The following DOCK9 variants were observed in gnomAD, a reference collection of about 807,000 sequenced individuals.
DOCK9 encodes dedicator of cytokinesis 9, also known as dedicator of cytokinesis protein 9.
A neutral mutation model predicts 263.3 loss-of-function variants in DOCK9; 89 were observed. The observed-to-expected ratio is 0.34, with a 90% CI of 0.28 to 0.40. The LOEUF is 0.40. DOCK9 is among the 10% of genes least tolerant of loss of function. The pLI, the probability that DOCK9 is intolerant of heterozygous loss-of-function variation, is 1.00. For missense variants in DOCK9, 2,140 were observed against 2,603.4 expected (o/e 0.82, Z 3.87); for synonymous variants, 976 against 973.1 (o/e 1.00, Z -0.06).
chr13:98,846,222 A>G (rs2093387111), intron 37 of DOCK9, among the ~76,000 whole-genome samples, 162 bp from the exon 38 acceptor site: 1 of 152,180 alleles, frequency 6.6e-6, no homozygotes, highest in Non-Finnish European at 1.5e-5. Context: ...CAGCTCCTGC[A>G]CACTTCACGG....
At chr13:99,081,090 A>G (rs1253847936) in intron 1 of DOCK9, among the ~76,000 whole-genome samples, 2 of 152,138 alleles carry the variant, frequency 1.3e-5, no homozygotes, top group Non-Finnish European at 2.9e-5. Flanking sequence ...CCTGCTTCCG[A>G]TATTTTGGGA....
In DOCK9 at chr13:98,824,502, C is replaced by T. The variant is rs761605712; in HGVS notation, c.5026G>A (p.Val1676Met). The T allele has an allele frequency of 4.1e-5, 66 of 1,613,346 alleles. No homozygotes were observed. Among genetic ancestry groups the T allele is most frequent in the Admixed American group, 6.7e-5 (4 of 59,986 alleles). ...LVAEYLTRKG[V>M]FRQGCTAFRV... Reference sequence around the variant, plus strand: ...AAGGCGGTGCATCCTTGTCTAAACACGCCTAGGAAGAGAGGAAGGAGGGAC... The same window carrying T: ...AAGGCGGTGCATCCTTGTCTAAACATGCCTAGGAAGAGAGGAAGGAGGGAC... Residue 1676 changes from valine (V) to methionine (M), a missense_variant and splice_region_variant, in exon 45 of 53, where the codon GTG becomes ATG. Physicochemically the swap from Val to Met is conservative, Grantham distance 21. Around this residue, in one of 2 missense-constraint regions of DOCK9, gnomAD observed 619 missense variants for 861.8 expected, o/e 0.72. Transcript: ENST00000682017.
Position 98,831,804 on chromosome 13 carries a change from C to T in DOCK9, c.4315-18G>A, listed in dbSNP as rs558071529. 6.8e-5 allele frequency: 110 copies of T among 1,612,024 alleles called. No individual in the cohort carries two copies. Among genetic ancestry groups the T allele is most frequent in the South Asian group, 1.5e-4 (14 of 90,862 alleles). ...AGCTGGTTCTTAAAACACACATTGA[C>T]GGCTTTGTTAGACATACCAGTCACC... On this transcript the variant is annotated intron_variant, in intron 39 of 52. Transcript: ENST00000682017.
chr13:99,041,143 AG>A (rs1566342836), intron 1 of DOCK9, among the ~76,000 whole-genome samples: 1 of 152,130 alleles, frequency 6.6e-6, no homozygotes. Flanking sequence ...TAAGACAAGC[AG>A]ATGTATTTTT....
At chr13:98,958,093 G>C (rs2058260649) in intron 1 of DOCK9, among the ~76,000 whole-genome samples, 1 of 152,244 alleles carries the variant, frequency 6.6e-6, no homozygotes, top group Admixed American at 6.5e-5. Context: ...ACACTGCTGA[G>C]AATGGGCTGT....
Position 98,793,828 on chromosome 13 carries a change from C to T in DOCK9, c.*798G>A, listed in dbSNP as rs1030778576. ...TTAAAGTGTATTGCATATACTGGAACAGCACAAATTTATCACAATTAAACT... is the reference window on the plus strand; with the variant it reads ...TTAAAGTGTATTGCATATACTGGAATAGCACAAATTTATCACAATTAAACT... On this transcript the variant is annotated 3_prime_UTR_variant, in exon 53 of 53. Transcript: ENST00000682017. 2 of 152,602 alleles carry T rather than the reference C, an allele frequency of 1.3e-5. No homozygotes were observed. The highest frequency in any genetic ancestry group is 1.3e-4 in the Admixed American group (2 of 15,272). The allele number at this position is 152,602 out of a possible 1,614,324, so 9.5% of individuals were successfully genotyped here. A position where few individuals can be genotyped will look rare whatever the true frequency, so the allele number is the denominator to read the frequency against.
At chr13:98,831,215 G>A (rs180695176) in intron 41 of DOCK9, 133 bp downstream of exon 41, 36 of 961,420 alleles carry the variant, frequency 3.7e-5, no homozygotes, top group South Asian at 2.6e-4. Flanking sequence ...GCCAGCAAAC[G>A]TGGCTTCCCA....
intron 1 of DOCK9, among the ~76,000 whole-genome samples, chr13:98,999,284 G>GCA (rs1284327765): frequency 1.4e-5 from 1 of 73,592 alleles, no homozygotes; most frequent in African/African-American, 6.0e-5. Context: ...GTGCACGCAT[G>GCA]CACGCGCACA....
chr13:98,841,826 A>G (rs2093229962), intron 38 of DOCK9, among the ~76,000 whole-genome samples: 1 of 150,182 alleles, frequency 6.7e-6, no homozygotes, highest in South Asian at 2.1e-4. Flanking sequence ...TGTTTTTAGT[A>G]GAGACGGGGT....
intron 1 of DOCK9, among the ~76,000 whole-genome samples, chr13:99,045,715 C>T (rs367928099): frequency 1.5e-3 from 225 of 152,060 alleles, no homozygotes; most frequent in South Asian, 4.6e-3. Flanking sequence ...CCTAAATATA[C>T]GGAATTTTTG....
intron 2 of DOCK9, among the ~76,000 whole-genome samples, chr13:98,939,187 G>A (rs1248878167): frequency 6.6e-6 from 1 of 152,256 alleles, no homozygotes; most frequent in African/African-American, 2.4e-5. Context: ...CTCTTCAGGA[G>A]GAAACTGTCA....
intron 1 of DOCK9, among the ~76,000 whole-genome samples, chr13:99,008,923 A>C (rs1339682931): frequency 6.6e-6 from 1 of 152,220 alleles, no homozygotes; most frequent in Non-Finnish European, 1.5e-5. Context: ...CAACATATGA[A>C]TAGGGAGGTA....
intron 15 of DOCK9, among the ~76,000 whole-genome samples, chr13:98,897,170 T>C (rs1278412041): frequency 6.6e-6 from 1 of 152,216 alleles, no homozygotes; most frequent in African/African-American, 2.4e-5. Flanking sequence ...CTGTTTGCAC[T>C]TGCAGTGGCT....
In DOCK9 at chr13:98,797,215, T is replaced by C; in HGVS notation, c.6056A>G (p.Asn2019Ser). Residue 2019 changes from asparagine to serine, a missense_variant, in exon 52 of 53, where the codon AAC becomes AGC. Transcript: ENST00000682017. ...CTGGTCTTCTTTAATCAGACGTTCG[T>C]TTACCGCTAAGGCTTGACCGCAAGC... ...VEACGQALAV[N>S]ERLIKEDQLE... The C allele has an allele frequency of 6.2e-7, 1 of 1,613,928 alleles. No homozygotes were observed. Among genetic ancestry groups the C allele is most frequent in the Non-Finnish European group, 8.5e-7 (1 of 1,179,872 alleles).
intron 1 of DOCK9, among the ~76,000 whole-genome samples, chr13:99,009,730 G>A (rs1430797768): frequency 2.0e-5 from 3 of 151,924 alleles, no homozygotes; most frequent in Non-Finnish European, 2.9e-5. Flanking sequence ...GCCAGAAAGC[G>A]TATCATCTTC....
intron 2 of DOCK9, among the ~76,000 whole-genome samples, chr13:98,939,231 G>C (rs1379057749): frequency 2.6e-5 from 4 of 152,230 alleles, no homozygotes; most frequent in African/African-American, 7.2e-5. Flanking sequence ...GGGAGCTGGA[G>C]GGTAATTTCA....
intron 45 of DOCK9, among the ~76,000 whole-genome samples, chr13:98,810,821 T>C (rs1297188930): frequency 1.3e-5 from 2 of 152,166 alleles, no homozygotes; most frequent in African/African-American, 4.8e-5. Context: ...CCCTTGAACT[T>C]TGGAGGAAGT....
chr13:99,068,009 G>A lies in DOCK9; in HGVS notation c.129+18214C>T, dbSNP rs902824217. 4.0e-5 allele frequency among the ~76,000 whole-genome samples: 6 copies of A among 151,536 alleles called. 1 individual carries two copies. Among genetic ancestry groups the A allele is most frequent in the Non-Finnish European group, 4.4e-5 (3 of 67,982 alleles). ...AGCCTACAGAAAGAACCGATCCCCA[G>A]TACCCCACATGTGGTTCTCCACAGC... On this transcript the variant is annotated intron_variant, in intron 1 of 32. Coordinates refer to the DOCK9 transcript ENST00000427887.
intron 1 of DOCK9, among the ~76,000 whole-genome samples, chr13:99,034,476 T>C (rs1239160259): frequency 6.6e-6 from 1 of 152,236 alleles, no homozygotes; most frequent in Admixed American, 6.5e-5. Context: ...CCAAAATTCC[T>C]GGTTCTGTCA....
Sources: gnomAD v4.1 joint callset for allele counts (sites outside exome capture counted in the v4.1 genomes callset) on GRCh38, gnomAD v4.1.1 for gene constraint, gnomAD v4.1.1 regional missense constraint, MANE v1.5 for transcripts, NCBI Gene and HGNC (gene_info 2026-07-23, HGNC 2026-07-21) for gene names.